The following LYPD3 variants were observed in gnomAD, a reference collection of about 807,000 sequenced individuals.
LYPD3 encodes the protein LY6/PLAUR domain containing 3, also known as ly6/PLAUR domain-containing protein 3.
LYPD3 carries 22 observed loss-of-function variants against 21.7 expected under a neutral mutation model. That is an observed-to-expected ratio of 1.01 (90% CI 0.72 to 1.45). The LOEUF (loss-of-function observed/expected upper bound fraction) is 1.45, where lower values mean the gene tolerates loss of function less well. Among genes scored for constraint, LYPD3 ranks in the 40% most tolerant of loss-of-function variants. LYPD3 has a pLI of 0.00. For synonymous variants in LYPD3, 179 were observed against 203.0 expected, an observed-to-expected ratio of 0.88 and a Z score of 1.00; for missense variants, 471 against 466.9, an observed-to-expected ratio of 1.01 and a Z score of -0.08.
At chr19:43,462,400 G>A (rs1162554965) in intron 4 of LYPD3, among the ~76,000 whole-genome samples, 2 of 152,134 alleles carry the variant, frequency 1.3e-5, no homozygotes, top group Non-Finnish European at 2.9e-5. Context: ...AGTGGTTCAC[G>A]GCTGTAATCC....
intron 4 of LYPD3, 123 bp downstream of exon 4, chr19:43,463,003 C>T: frequency 9.5e-7 from 1 of 1,049,002 alleles, no homozygotes. Flanking sequence ...ACCTAGGCCC[C>T]ACGATTCCCA....
Position 43,460,899 on chromosome 19 carries a change from G to A in LYPD3, c.*452C>T. 5.4e-6 allele frequency: 1 copy of A among 186,280 alleles called. No homozygotes were observed. The highest frequency in any genetic ancestry group is 1.1e-5 in the Non-Finnish European group (1 of 88,070). The allele number at this position is 186,280 out of a possible 1,614,324, so 11.5% of individuals were successfully genotyped here. A position where few individuals can be genotyped will look rare whatever the true frequency, so the allele number is the denominator to read the frequency against. ...GAGGAGCTCACAGTCTAGTAAGGAA[G>A]ACATATGGGGAACCGATTCCCCAAA... On this transcript the variant is annotated 3_prime_UTR_variant, in exon 5 of 5. Coordinates refer to ENST00000244333, the MANE Select transcript of LYPD3 (RefSeq NM_014400.3).
intron 2 of LYPD3, 50 bp downstream of exon 2, chr19:43,464,275 G>C (rs1970802317): frequency 1.3e-6 from 2 of 1,553,848 alleles, no homozygotes; most frequent in African/African-American, 2.7e-5. Flanking sequence ...AGGCGGGGCT[G>C]GGCCGGAGGA....
At chr19:43,465,423 G>A (rs1003377302) in intron 1 of LYPD3, 70 bp downstream of exon 1, 62 of 1,537,762 alleles carry the variant, frequency 4.0e-5, no homozygotes, top group Non-Finnish European at 5.2e-5. Flanking sequence ...TTCTCTGTAC[G>A]GGGCCAGAGG....
In LYPD3 at chr19:43,463,668, G is replaced by T; in HGVS notation, c.313C>A (p.Leu105Met). 6.2e-7 allele frequency: 1 copy of T among 1,610,244 alleles called. No homozygotes were observed. The change falls in exon 3 of 5, where the codon CTG becomes ATG. Residue 105 changes from leucine (L) to methionine (M), a missense_variant. Leu to Met is a conservative substitution (Grantham distance 15, BLOSUM62 2). Coordinates refer to ENST00000244333, the MANE Select transcript of LYPD3 (RefSeq NM_014400.3). ...DLHGLLAFIQ[L>M]QQCAQDRCNA... Reference sequence around the variant, plus strand: ...CAGCGATCCTGAGCGCATTGCTGCAGCTGGATGAACGCCAGAAGCCCGTGA... The same window carrying T: ...CAGCGATCCTGAGCGCATTGCTGCATCTGGATGAACGCCAGAAGCCCGTGA...
At chr19:43,465,217 G>A (rs958787155) in intron 1 of LYPD3, among the ~76,000 whole-genome samples, 1 of 152,150 alleles carries the variant, frequency 6.6e-6, no homozygotes, top group Non-Finnish European at 1.5e-5. Context: ...ATGAACCACC[G>A]CGCCCGGCCT....
At chr19:43,464,230 A>G in intron 2 of LYPD3, 95 bp downstream of exon 2, 1 of 1,476,976 alleles carries the variant, frequency 6.8e-7, no homozygotes, top group Non-Finnish European at 9.1e-7. Flanking sequence ...GGCCGCGTTA[A>G]AGGGGCGTGG....
At chr19:43,463,543 CT>C in intron 3 of LYPD3, 55 bp downstream of exon 3, 1 of 1,583,366 alleles carries the variant, frequency 6.3e-7, no homozygotes, top group Non-Finnish European at 8.5e-7. Context: ...CCACCTCTAT[CT>C]TGGCAGGCCC....
chr19:43,463,573 G>A (rs1368835473), intron 3 of LYPD3, 26 bp downstream of exon 3: 11 of 1,593,388 alleles, frequency 6.9e-6, no homozygotes, highest in African/African-American at 1.3e-5. Context: ...CTCCGCCCCC[G>A]CAGCTACGGC....
chr19:43,463,188 C>A lies in LYPD3; in HGVS notation c.482G>T (p.Cys161Phe). Residue 161 changes from cysteine (C) to phenylalanine (F), a missense_variant, in exon 4 of 5, where the codon TGC becomes TTC. By Grantham distance (205) the Cys-to-Phe change is radical (BLOSUM62 -2). Transcript: ENST00000244333. ...GTAGACATGATCGCTGGCGTTGTAG[C>A]AGCTCACGACCGGCGGCGATGTACC... ...CQGTSPPVVS[C>F]YNASDHVYKG... 6.2e-7 allele frequency: 1 copy of A among 1,611,594 alleles called. No homozygotes were observed. Among genetic ancestry groups the A allele is most frequent in the Non-Finnish European group, 8.5e-7 (1 of 1,180,010 alleles).
rs1970789095 is a variant in LYPD3, at chr19:43,463,183, T to C, written c.487A>G (p.Asn163Asp). 1 of 1,611,930 alleles carries C rather than the reference T, an allele frequency of 6.2e-7. No individual in the cohort carries two copies. Among genetic ancestry groups the C allele is most frequent in the Non-Finnish European group, 8.5e-7 (1 of 1,180,008 alleles). Residue 163 changes from asparagine (N) to aspartate (D), a missense_variant, in exon 4 of 5, where the codon AAC (asparagine) becomes GAC (aspartate). Physicochemically the swap from Asn to Asp is conservative, Grantham distance 23 (BLOSUM62 1). Coordinates refer to ENST00000244333, the MANE Select transcript of LYPD3 (RefSeq NM_014400.3). ...GTSPPVVSCYNASDHVYKGCF... is the reference protein window; with the variant it reads ...GTSPPVVSCYDASDHVYKGCF... ...CCCTTGTAGACATGATCGCTGGCGT[T>C]GTAGCAGCTCACGACCGGCGGCGAT... is the stretch of plus-strand genomic sequence containing the variant.
In LYPD3 at chr19:43,464,254, G is replaced by T. The variant is rs1432505886; in HGVS notation, c.211+71C>A. The T allele has an allele frequency of 5.2e-6, 8 of 1,533,802 alleles. No homozygotes were observed. In the South Asian group the frequency reaches 8.4e-5, roughly 16 times the overall value. ...AAAGGGGCGTGGCCAGATCCAGAAA[G>T]GACTATAAGGAGGCGGGGCTGGGCC... On this transcript the variant is annotated intron_variant, in intron 2 of 4. Coordinates refer to ENST00000244333, the MANE Select transcript of LYPD3 (RefSeq NM_014400.3).
chr19:43,463,839 T>C, intron 2 of LYPD3, 70 bp from the exon 3 acceptor site: 1 of 1,519,184 alleles, frequency 6.6e-7, no homozygotes, highest in Non-Finnish European at 9.0e-7. Flanking sequence ...CAGAGTTGGG[T>C]AGGGTCTGGG....
chr19:43,464,005 A>C (rs1970799828), intron 2 of LYPD3: 2 of 618,352 alleles, frequency 3.2e-6, no homozygotes, highest in South Asian at 3.9e-5. Flanking sequence ...GCTGAGTCGG[A>C]GGAGACAGCC....
At position 43,461,577 on chromosome 19, in the gene LYPD3, A is replaced by G. The variant is rs1191866950; in HGVS notation, c.815T>C (p.Met272Thr). 6 of 1,613,916 alleles carry G rather than the reference A, an allele frequency of 3.7e-6. No individual in the cohort carries two copies. Among genetic ancestry groups the G allele is most frequent in the East Asian group, 2.2e-5 (1 of 44,880 alleles). Reference protein sequence around the residue: ...PVRPTSTTKPMPAPTSQTPRQ... With the variant: ...PVRPTSTTKPTPAPTSQTPRQ... ...CGGAGTCTGACTGGTTGGCGCTGGC[A>G]TGGGTTTGGTGGTGGATGTGGGTCT... is the stretch of plus-strand genomic sequence containing the variant. The change falls in exon 5 of 5, where the codon ATG becomes ACG. Residue 272 changes from methionine to threonine, a missense_variant. Physicochemically the swap from Met to Thr is moderately conservative, Grantham distance 81. Coordinates refer to ENST00000244333, the MANE Select transcript of LYPD3 (RefSeq NM_014400.3).
At position 43,461,060 on chromosome 19, in the gene LYPD3, C is replaced by A; in HGVS notation, c.*291G>T. The A allele has an allele frequency of 2.9e-6, 1 of 346,226 alleles. No individual in the cohort carries two copies. The allele number at this position is 346,226 out of a possible 1,614,324, so 21.4% of individuals were successfully genotyped here. A position where few individuals can be genotyped will look rare whatever the true frequency, so the allele number is the denominator to read the frequency against. On this transcript the variant is annotated 3_prime_UTR_variant, in exon 5 of 5. Transcript: ENST00000244333. Reference sequence around the variant, plus strand: ...CTCTCTCTCACCTTCCCCGTGACAGCTGACTTCTCTCACTCTGTCCTAACA... The same window carrying A: ...CTCTCTCTCACCTTCCCCGTGACAGATGACTTCTCTCACTCTGTCCTAACA...
chr19:43,463,471 C>T (rs776250105), intron 3 of LYPD3, 128 bp downstream of exon 3: 10 of 1,398,082 alleles, frequency 7.2e-6, no homozygotes, highest in South Asian at 3.7e-5. Context: ...GCCTCTTGGC[C>T]CCGCCCCAGA....
In LYPD3 at chr19:43,461,521, C is replaced by T; in HGVS notation, c.871G>A (p.Asp291Asn). The T allele has an allele frequency of 6.2e-7, 1 of 1,614,148 alleles. No individual in the cohort carries two copies. The highest frequency in any genetic ancestry group is 8.5e-7 in the Non-Finnish European group (1 of 1,180,026). The part of the protein sequence containing the change: ...RQGVEHEASR[D>N]EEPRLTGGAA... ...CCTCCAGTCAACCTGGGCTCCTCAT[C>T]CCGGGAGGCCTCGTGTTCTACTCCC... is the stretch of plus-strand genomic sequence containing the variant. The change falls in exon 5 of 5, where the codon GAT becomes AAT. Residue 291 changes from aspartate to asparagine, a missense_variant. Physicochemically the swap from Asp to Asn is conservative, Grantham distance 23. Transcript: ENST00000244333.
rs771380429 is a variant in LYPD3 at position 43,464,316 on chromosome 19, C to T, written c.211+9G>A. The T allele has an allele frequency of 3.1e-6, 5 of 1,598,744 alleles. No homozygotes were observed. The Admixed American group carries it at 8.7e-5, about 28-fold the overall frequency. On this transcript the variant is annotated intron_variant, in intron 2 of 4. Coordinates refer to ENST00000244333, the MANE Select transcript of LYPD3 (RefSeq NM_014400.3). ...CAGTGGTGTGCGTGGCCCGGGGGTC[C>T]CCACTCACTGGTCTCCACCGCCCCC...
Sources: allele counts gnomAD v4.1 joint callset (sites outside exome capture counted in the v4.1 genomes callset), GRCh38; gene constraint gnomAD v4.1.1; transcripts MANE v1.5; gene names NCBI Gene and HGNC (gene_info 2026-07-23, HGNC 2026-07-21).